The following POC1B variants were observed in gnomAD, a reference collection of about 807,000 sequenced individuals.
POC1B encodes the protein POC1 centriolar protein B, also known as POC1 centriolar protein homolog B.
Under a neutral mutation model 60.6 loss-of-function variants are expected in POC1B, and 44 were observed. The observed-to-expected ratio is 0.73, with a 90% CI of 0.57 to 0.93. The LOEUF (loss-of-function observed/expected upper bound fraction) is 0.93, where lower values mean the gene tolerates loss of function less well. POC1B is among the 40% of genes least tolerant of loss of function. The pLI is 0.00. For synonymous variants in POC1B, 180 were observed against 198.9 expected (o/e 0.90, Z 0.80); for missense variants, 555 against 572.3 (o/e 0.97, Z 0.31).
chr12:89,513,250 GAA>G (rs58165369), intron 2 of POC1B, among the ~76,000 whole-genome samples: 15 of 129,146 alleles, frequency 1.2e-4, no homozygotes, highest in African/African-American at 3.5e-4. Context: ...TCAAGAATTT[GAA>G]AAAAAAAAAA....
chr12:89,445,998 A>G (rs993205210), intron 10 of POC1B, among the ~76,000 whole-genome samples: 1 of 152,258 alleles, frequency 6.6e-6, no homozygotes, highest in Non-Finnish European at 1.5e-5. Context: ...CAGACACATG[A>G]AAAAATGCTC....
chr12:89,501,002 G>A, intron 2 of POC1B: 3 of 961,910 alleles, frequency 3.1e-6, no homozygotes, highest in Admixed American at 3.9e-5. Flanking sequence ...AGTTGATAGA[G>A]GATGAATTTA....
intron 2 of POC1B, chr12:89,524,715 C>G: frequency 1.4e-6 from 1 of 709,564 alleles, no homozygotes; most frequent in Non-Finnish European, 2.4e-6. Flanking sequence ...TCACCTGAGC[C>G]CTCTCGGTCC....
chr12:89,445,907 A>T (rs1881765490), intron 10 of POC1B, among the ~76,000 whole-genome samples: 1 of 152,218 alleles, frequency 6.6e-6, no homozygotes, highest in South Asian at 2.1e-4. Context: ...AAACAAATTT[A>T]CAAGAAAAAA....
chr12:89,412,133 G>A, the POC1B span, among the ~76,000 whole-genome samples: 2 of 152,182 alleles, frequency 1.3e-5, no homozygotes, highest in Admixed American at 6.5e-5. Flanking sequence ...AGAATTAAGA[G>A]ATGCAAATCT....
intron 2 of POC1B, among the ~76,000 whole-genome samples, chr12:89,514,402 C>CTTTT (rs60679774): frequency 0.072 from 4,820 of 66,790 alleles, 867 homozygotes; most frequent in Middle Eastern, 0.1. Flanking sequence ...TCATGTATTT[C>CTTTT]TTTTTTTTTT....
downstream of POC1B, among the ~76,000 whole-genome samples, chr12:89,416,949 T>C (rs1880375303): frequency 6.6e-6 from 1 of 152,188 alleles, no homozygotes; most frequent in African/African-American, 2.4e-5. Flanking sequence ...ATCAACTAAA[T>C]AATCACATAT....
chr12:89,495,679 C>T (rs1869210026), intron 3 of POC1B, among the ~76,000 whole-genome samples: 1 of 152,036 alleles, frequency 6.6e-6, no homozygotes, highest in Non-Finnish European at 1.5e-5. Context: ...TTCCATGGGA[C>T]CAGGGAGTCA....
Position 89,495,171 on chromosome 12 carries a change from T to G in POC1B, c.272+2000A>C, listed in dbSNP as rs527756715. 2.0e-5 allele frequency among the ~76,000 whole-genome samples: 3 copies of G among 152,342 alleles called. No homozygotes were observed. The East Asian group carries it at 5.8e-4, about 29-fold the overall frequency. ...TGTATTTAGATGAGTTATGACAAAT[T>G]AATGACTCAGTGAGCTTTTAGCTCA... On this transcript the variant is annotated intron_variant, in intron 3 of 11. Transcript: ENST00000313546.
intron 2 of POC1B, among the ~76,000 whole-genome samples, chr12:89,517,611 C>A (rs1302934144): frequency 6.6e-6 from 1 of 150,894 alleles, no homozygotes; most frequent in African/African-American, 2.4e-5. Context: ...CCAGCCTGGG[C>A]AACAGAGTGA....
At chr12:89,435,250 G>A (rs1282334128) in intron 10 of POC1B, among the ~76,000 whole-genome samples, 2 of 148,968 alleles carry the variant, frequency 1.3e-5, no homozygotes, top group Non-Finnish European at 3.0e-5. Flanking sequence ...GTGCCATCTC[G>A]GCTCACTGCA....
At chr12:89,437,932 A>G (rs2120708597) in intron 10 of POC1B, among the ~76,000 whole-genome samples, 1 of 151,910 alleles carries the variant, frequency 6.6e-6, no homozygotes, top group Non-Finnish European at 1.5e-5. Context: ...CTGCAGTTCC[A>G]GCTACTCCAG....
intron 10 of POC1B, among the ~76,000 whole-genome samples, chr12:89,442,138 C>T (rs770040634): frequency 5.3e-5 from 8 of 152,112 alleles, no homozygotes; most frequent in South Asian, 2.1e-4. Flanking sequence ...ACTGGTGTAC[C>T]GGAAAGTGAT....
intron 2 of POC1B, among the ~76,000 whole-genome samples, chr12:89,505,788 T>C (rs544631956): frequency 6.6e-6 from 1 of 152,302 alleles, no homozygotes; most frequent in African/African-American, 2.4e-5. Context: ...GTGGAGAAGC[T>C]ACAAGGGGCA....
At chr12:89,471,127 G>A (rs1882872714) in intron 6 of POC1B, among the ~76,000 whole-genome samples, 1 of 152,142 alleles carries the variant, frequency 6.6e-6, no homozygotes, top group Non-Finnish European at 1.5e-5. Context: ...CACAGTGTCT[G>A]CTACATAGTA....
At chr12:89,419,491 A>G (rs1272381261), downstream of POC1B, among the ~76,000 whole-genome samples, 1 of 152,186 alleles carries the variant, frequency 6.6e-6, no homozygotes, top group Non-Finnish European at 1.5e-5. Context: ...GGTGGTTCCT[A>G]AAGTGTGGAC....
At chr12:89,475,069 T>C (rs1883052219) in intron 4 of POC1B, among the ~76,000 whole-genome samples, 1 of 152,164 alleles carries the variant, frequency 6.6e-6, no homozygotes, top group Non-Finnish European at 1.5e-5. Context: ...GAGGCTTTTG[T>C]TCTAGGGAGA....
intron 2 of POC1B, chr12:89,524,918 T>C: frequency 3.6e-6 from 3 of 828,414 alleles, no homozygotes; most frequent in East Asian, 2.7e-5. Flanking sequence ...AGGAGGCTCT[T>C]GGCCGGGCCG....
At chr12:89,506,333 A>G (rs560239620) in intron 2 of POC1B, among the ~76,000 whole-genome samples, 3 of 152,376 alleles carry the variant, frequency 2.0e-5, no homozygotes, top group African/African-American at 7.2e-5. Flanking sequence ...TAGTACTTGC[A>G]ATTTATGCCT....
Sources: gnomAD v4.1 joint callset for allele counts (sites outside exome capture counted in the v4.1 genomes callset) on GRCh38, gnomAD v4.1.1 for gene constraint, MANE v1.5 for transcripts, NCBI Gene and HGNC (gene_info 2026-07-23, HGNC 2026-07-21) for gene names.